CADM2: variants seen among roughly 807,000 people sequenced by gnomAD.
The protein encoded by CADM2 is immunoglobulin superfamily member 4D.
A neutral mutation model predicts 49.8 loss-of-function variants in CADM2; 12 were observed. That is an observed-to-expected ratio of 0.24 (90% CI 0.15 to 0.39). The LOEUF (loss-of-function observed/expected upper bound fraction) is 0.39, where lower values mean the gene tolerates loss of function less well. CADM2 is among the 10% of genes least tolerant of loss of function. CADM2 has a pLI of 1.00. For synonymous variants in CADM2, 214 were observed against 175.4 expected (o/e 1.22, Z -1.74); for missense variants, 378 against 492.3 (o/e 0.77, Z 2.20).
intron 1 of CADM2, among the ~76,000 whole-genome samples, chr3:85,596,112 T>A (rs2063232698): frequency 1.3e-5 from 2 of 151,982 alleles, no homozygotes; most frequent in South Asian, 4.1e-4. Flanking sequence ...ATCTGAAAAA[T>A]ATGTATTATG....
intron 1 of CADM2, among the ~76,000 whole-genome samples, chr3:85,281,859 T>C (rs2043508206): frequency 6.6e-6 from 1 of 152,080 alleles, no homozygotes; most frequent in Admixed American, 6.6e-5. Flanking sequence ...ATTATCAGAC[T>C]GTGAAACTAA....
chr3:85,590,672 T>C (rs1235373960), intron 1 of CADM2, among the ~76,000 whole-genome samples: 1 of 151,634 alleles, frequency 6.6e-6, no homozygotes, highest in Non-Finnish European at 1.5e-5. Context: ...CTTTGAAAAA[T>C]AATGGGTGAA....
intron 1 of CADM2, among the ~76,000 whole-genome samples, chr3:85,676,383 T>C (rs1323474715): frequency 6.6e-6 from 1 of 152,224 alleles, no homozygotes; most frequent in Non-Finnish European, 1.5e-5. Flanking sequence ...AAATTTTTGA[T>C]AAGCTCTCCC....
intron 4 of CADM2, among the ~76,000 whole-genome samples, chr3:85,884,820 G>A (rs1329210793): frequency 1.3e-5 from 2 of 149,724 alleles, no homozygotes. Context: ...TGTCTCCCAA[G>A]TTCAAGCGAT....
At chr3:85,203,455 AT>A (rs1293374945) in intron 1 of CADM2, among the ~76,000 whole-genome samples, 1 of 152,182 alleles carries the variant, frequency 6.6e-6, no homozygotes, top group Non-Finnish European at 1.5e-5. Flanking sequence ...GCATTTATTG[AT>A]TAAAGTTTGT....
chr3:85,264,757 A>G (rs1336833678), intron 1 of CADM2, among the ~76,000 whole-genome samples: 1 of 152,104 alleles, frequency 6.6e-6, no homozygotes, highest in African/African-American at 2.4e-5. Flanking sequence ...GTAAATAATT[A>G]GAAAGTTATG....
At chr3:85,751,767 G>A (rs2068870188) in intron 2 of CADM2, among the ~76,000 whole-genome samples, 1 of 152,004 alleles carries the variant, frequency 6.6e-6, no homozygotes, top group African/African-American at 2.4e-5. Flanking sequence ...CAATTATCCA[G>A]GCATATGCTT....
chr3:85,999,631 G>GAGAA (rs60020500), intron 8 of CADM2, among the ~76,000 whole-genome samples: 1,511 of 149,050 alleles, frequency 0.01, 13 homozygotes, highest in Non-Finnish European at 0.016. Context: ...AAGAAAGAAG[G>GAGAA]AGAAAGAAAG....
chr3:86,012,490 C>T, intron 8 of CADM2: 1 of 1,015,922 alleles, frequency 9.8e-7, no homozygotes, highest in East Asian at 3.4e-5. Flanking sequence ...CCTCCGTGAC[C>T]CGGACCAGCG....
intron 1 of CADM2, among the ~76,000 whole-genome samples, chr3:85,282,393 C>T (rs2043524778): frequency 6.8e-6 from 1 of 147,340 alleles, no homozygotes; most frequent in African/African-American, 2.5e-5. Context: ...TCCCGAGTAG[C>T]TGGGACTACA....
intron 2 of CADM2, chr3:85,800,783 GA>G (rs2071971200): frequency 6.6e-6 from 1 of 152,254 alleles, no homozygotes; most frequent in Non-Finnish European, 1.5e-5. Context: ...ACCTCTGTTG[GA>G]AATGCAGAAA....
At chr3:85,262,565 T>C (rs940526253) in intron 1 of CADM2, among the ~76,000 whole-genome samples, 3 of 152,156 alleles carry the variant, frequency 2.0e-5, no homozygotes, top group Non-Finnish European at 2.9e-5. Context: ...CAAAGTGTTT[T>C]TGTATAAAGG....
At chr3:84,992,322 C>A (rs1312268337) in intron 1 of CADM2, among the ~76,000 whole-genome samples, 1 of 152,044 alleles carries the variant, frequency 6.6e-6, no homozygotes, top group African/African-American at 2.4e-5. Flanking sequence ...AAAAATAAAG[C>A]CTTTGGAAAA....
At chr3:85,769,156 CA>C (rs1305883623) in intron 2 of CADM2, among the ~76,000 whole-genome samples, 1 of 72,468 alleles carries the variant, frequency 1.4e-5, no homozygotes, top group South Asian at 5.0e-4. Context: ...CACATATATA[CA>C]TATATAGTAT....
At chr3:85,609,298 C>G (rs939238841) in intron 1 of CADM2, among the ~76,000 whole-genome samples, 2 of 152,070 alleles carry the variant, frequency 1.3e-5, no homozygotes, top group African/African-American at 4.8e-5. Flanking sequence ...AAAAATATTC[C>G]TGGACCTATA....
intron 1 of CADM2, among the ~76,000 whole-genome samples, chr3:85,668,751 G>C (rs576758862): frequency 6.6e-6 from 1 of 152,068 alleles, no homozygotes; most frequent in African/African-American, 2.4e-5. Context: ...AAATTGCCCA[G>C]TCTCGGATAT....
chr3:86,036,887 T>C (rs1735236844), intron 8 of CADM2, among the ~76,000 whole-genome samples: 1 of 152,190 alleles, frequency 6.6e-6, no homozygotes, highest in Admixed American at 6.5e-5. Context: ...TAACACTTTT[T>C]ATTTGATCAC....
chr3:85,848,853 T>A (rs1315473359), intron 3 of CADM2, among the ~76,000 whole-genome samples: 2 of 152,154 alleles, frequency 1.3e-5, no homozygotes, highest in African/African-American at 4.8e-5. Flanking sequence ...CTTCATTTCA[T>A]CACAAACAAA....
chr3:85,812,133 G>C (rs753247863), intron 3 of CADM2, among the ~76,000 whole-genome samples: 1 of 152,064 alleles, frequency 6.6e-6, no homozygotes, highest in Non-Finnish European at 1.5e-5. Flanking sequence ...ATCTATATAT[G>C]GGTGTGGTGG....
Sources: gnomAD v4.1 joint callset for allele counts (sites outside exome capture counted in the v4.1 genomes callset) on GRCh38, gnomAD v4.1.1 for gene constraint, MANE v1.5 for transcripts, NCBI Gene and HGNC (gene_info 2026-07-23, HGNC 2026-07-21) for gene names.